The following SUN3 variants were observed in gnomAD, a reference collection of about 807,000 sequenced individuals.
SUN3 encodes Sad1 and UNC84 domain containing 3.
In SUN3, 36 loss-of-function variants were observed where a neutral mutation model predicts 48.2. The ratio of observed to expected loss-of-function variants is 0.75; its 90% confidence interval spans 0.57 to 0.99. The LOEUF is 0.99. Among genes scored for constraint, SUN3 ranks in the 50% least tolerant of loss-of-function variants. The pLI is 0.00. For synonymous variants in SUN3, 148 were observed against 147.9 expected (o/e 1.00, Z 0.00); for missense variants, 419 against 433.1 (o/e 0.97, Z 0.29).
At chr7:48,010,663 G>C (rs1562607799) in intron 3 of SUN3, among the ~76,000 whole-genome samples, 1 of 152,100 alleles carries the variant, frequency 6.6e-6, no homozygotes, top group East Asian at 1.9e-4. Context: ...TGCCAGGTTG[G>C]GAAGCAGACA....
chr7:48,020,685 T>C (rs1221764341), intron 2 of SUN3, among the ~76,000 whole-genome samples: 1 of 152,180 alleles, frequency 6.6e-6, no homozygotes, highest in African/African-American at 2.4e-5. Flanking sequence ...TAATCTCATT[T>C]ACAATAGCCA....
chr7:48,003,222 G>T (rs1789436404), intron 6 of SUN3, among the ~76,000 whole-genome samples: 1 of 152,162 alleles, frequency 6.6e-6, no homozygotes, highest in South Asian at 2.1e-4. Flanking sequence ...AGATTAGATA[G>T]TTGTAAGTGT....
rs1790118514 is a variant in SUN3 at position 48,025,831 on chromosome 7, A to G, written c.184+46T>C. The G allele has an allele frequency of 2.3e-6, 3 of 1,317,642 alleles. No individual in the cohort carries two copies. In the African/African-American group the frequency reaches 4.3e-5, roughly 19 times the overall value. The allele number at this position is 1,317,642 out of a possible 1,614,324, so 81.6% of individuals were successfully genotyped here. On this transcript the variant is annotated intron_variant, in intron 2 of 9. Coordinates refer to ENST00000297325, the MANE Select transcript of SUN3 (RefSeq NM_001030019.2). ...TTGAGATCTCTCTCACCAGGCAGAC[A>G]TAACCTGTGGAATGGTTTTAAGGAT...
chr7:48,025,924 C>T lies in SUN3; in HGVS notation c.137G>A (p.Trp46Ter), dbSNP rs755592144. The change falls in exon 2 of 10, where the codon TGG (tryptophan) becomes TAG (stop). Residue 46 changes from tryptophan (W) to a stop codon, truncating the protein, a stop_gained. Transcript: ENST00000297325. LOFTEE classifies it high-confidence loss of function. ...AAGCATTGTACTTAGAATAATCTTCCATGATCGAGTTACCCTAAAAGAATA... is the reference window on the plus strand; with the variant it reads ...AAGCATTGTACTTAGAATAATCTTCTATGATCGAGTTACCCTAAAAGAATA... ...NPDANGVTRSWKIILSTMLTL... is the reference protein window; with the variant it reads ...NPDANGVTRS 8 of 1,599,670 alleles carry T rather than the reference C, an allele frequency of 5.0e-6. No homozygotes were observed. In the African/African-American group the frequency reaches 5.4e-5, roughly 11 times the overall value.
chr7:48,017,470 C>G, intron 2 of SUN3, 105 bp from the exon 3 acceptor site: 1 of 684,322 alleles, frequency 1.5e-6, no homozygotes, highest in Non-Finnish European at 2.5e-6. Flanking sequence ...TATGTATACT[C>G]TTAAGAATAT....
Position 47,992,536 on chromosome 7 carries a change from C to T in SUN3, c.861+1779G>A, listed in dbSNP as rs189426397. 1.1e-4 allele frequency among the ~76,000 whole-genome samples: 17 copies of T among 151,948 alleles called. No individual in the cohort carries two copies. The East Asian group carries it at 3.3e-3, about 29-fold the overall frequency. On this transcript the variant is annotated intron_variant, in intron 8 of 9. Transcript: ENST00000297325. ...ATCTTCCAGAAGGTGGAACAAAAAG[C>T]AGAAAAGGGAAAGAAGAAACACTTT...
chr7:48,000,395 C>T (rs995983003), intron 6 of SUN3, among the ~76,000 whole-genome samples: 1 of 152,190 alleles, frequency 6.6e-6, no homozygotes, highest in Non-Finnish European at 1.5e-5. Flanking sequence ...GCCTCGGCCT[C>T]CCAAAGTGCT....
intron 6 of SUN3, among the ~76,000 whole-genome samples, chr7:47,999,524 A>T (rs1789300154): frequency 2.0e-5 from 3 of 150,934 alleles, no homozygotes; most frequent in Admixed American, 1.3e-4. Flanking sequence ...ATTAGTTGAA[A>T]TTTTTTATTT....
upstream of SUN3, among the ~76,000 whole-genome samples, chr7:48,030,907 A>T (rs1369618689): frequency 6.6e-6 from 1 of 152,234 alleles, no homozygotes; most frequent in Non-Finnish European, 1.5e-5. Context: ...TCTTCAATGA[A>T]TGGTGCTGGG....
At chr7:48,025,375 T>A (rs1790106875) in intron 2 of SUN3, among the ~76,000 whole-genome samples, 1 of 152,164 alleles carries the variant, frequency 6.6e-6, no homozygotes, top group African/African-American at 2.4e-5. Flanking sequence ...TAATGGGAGA[T>A]ACATGCCTTA....
intron 3 of SUN3, among the ~76,000 whole-genome samples, chr7:48,010,021 ACAAGT>A (rs1789640193): frequency 6.6e-6 from 1 of 152,012 alleles, no homozygotes; most frequent in Admixed American, 6.6e-5. Context: ...CAAATGCCCT[ACAAGT>A]CATTAGCCTG....
intron 1 of SUN3, among the ~76,000 whole-genome samples, chr7:48,028,219 T>C (rs1208992617): frequency 6.6e-6 from 1 of 152,016 alleles, no homozygotes; most frequent in African/African-American, 2.4e-5. Context: ...TCATTACTTG[T>C]AGTTTTTGTT....
chr7:48,019,088 G>T (rs1252493582), intron 2 of SUN3, among the ~76,000 whole-genome samples: 1 of 152,120 alleles, frequency 6.6e-6, no homozygotes, highest in Non-Finnish European at 1.5e-5. Flanking sequence ...GCAGATGAAA[G>T]AATCAGTTAA....
intron 6 of SUN3, among the ~76,000 whole-genome samples, chr7:47,999,179 T>C (rs1272622296): frequency 6.6e-6 from 1 of 152,172 alleles, no homozygotes; most frequent in South Asian, 2.1e-4. Context: ...TTCATTATTG[T>C]TTTTTAGTTT....
At chr7:47,995,933 C>T (rs947114130) in intron 7 of SUN3, 98 bp downstream of exon 7, 1 of 684,022 alleles carries the variant, frequency 1.5e-6, no homozygotes, top group African/African-American at 1.9e-5. Context: ...AGTTCAGACA[C>T]TCTTATATTG....
chr7:48,006,606 A>C (rs1054467792), intron 5 of SUN3, among the ~76,000 whole-genome samples: 1 of 152,262 alleles, frequency 6.6e-6, no homozygotes, highest in African/African-American at 2.4e-5. Context: ...GTTCAAGTTC[A>C]AGCTGCCTAA....
upstream of SUN3, among the ~76,000 whole-genome samples, chr7:48,032,351 G>A (rs1435983695): frequency 1.3e-5 from 2 of 152,146 alleles, no homozygotes; most frequent in African/African-American, 2.4e-5. Context: ...ATTTCACAAC[G>A]TACATGTGTA....
chr7:48,031,834 A>G (rs1237543054), upstream of SUN3, among the ~76,000 whole-genome samples: 3 of 110,912 alleles, frequency 2.7e-5, no homozygotes, highest in South Asian at 2.6e-4. Flanking sequence ...TGATTTATGC[A>G]CACACACACA....
At chr7:48,033,089 T>G (rs1790274284), upstream of SUN3, among the ~76,000 whole-genome samples, 2 of 152,240 alleles carry the variant, frequency 1.3e-5, no homozygotes, top group South Asian at 4.1e-4. Flanking sequence ...TTCTAAATAC[T>G]GAGGCCGATT....
Sources: gnomAD v4.1 joint callset for allele counts (sites outside exome capture counted in the v4.1 genomes callset) on GRCh38, gnomAD v4.1.1 for gene constraint, MANE v1.5 for transcripts, NCBI Gene and HGNC (gene_info 2026-07-23, HGNC 2026-07-21) for gene names.